The following BRINP3 variants were observed in gnomAD, a reference collection of about 807,000 sequenced individuals.
BRINP3 encodes the protein BMP/retinoic acid inducible neural specific 3, also known as BMP/retinoic acid-inducible neural-specific protein 3.
A neutral mutation model predicts 71.0 loss-of-function variants in BRINP3; 19 were observed. The ratio of observed to expected loss-of-function variants is 0.27; its 90% CI spans 0.19 to 0.39. The LOEUF is 0.39. BRINP3 is among the 10% of genes least tolerant of loss of function. The probability of loss-of-function intolerance (pLI) is 1.00; values close to 1 mark genes in which losing one functional copy is unlikely to be tolerated. For synonymous variants in BRINP3, 380 were observed against 337.7 expected (o/e 1.13, Z -1.37); for missense variants, 959 against 940.8 (o/e 1.02, Z -0.25).
intron 4 of BRINP3, among the ~76,000 whole-genome samples, chr1:190,260,257 A>G (rs1053419271): frequency 6.6e-6 from 1 of 152,122 alleles, no homozygotes; most frequent in Admixed American, 6.6e-5. Flanking sequence ...AAAATATTGT[A>G]TCACCTAGTG....
At chr1:190,214,328 G>C (rs760247227) in intron 6 of BRINP3, among the ~76,000 whole-genome samples, 4 of 152,026 alleles carry the variant, frequency 2.6e-5, no homozygotes, top group Non-Finnish European at 5.9e-5. Context: ...ACTATATCTG[G>C]ATTTGATGAG....
chr1:190,450,968 G>A (rs1675566826), intron 2 of BRINP3, among the ~76,000 whole-genome samples: 1 of 151,752 alleles, frequency 6.6e-6, no homozygotes, highest in African/African-American at 2.4e-5. Flanking sequence ...TTTTTTTCAA[G>A]GAACATGACT....
At chr1:190,373,260 C>A (rs1669974985) in intron 2 of BRINP3, among the ~76,000 whole-genome samples, 1 of 151,874 alleles carries the variant, frequency 6.6e-6, no homozygotes, top group Non-Finnish European at 1.5e-5. Context: ...CGTGGTGGTG[C>A]ATGCCTGTAA....
intron 6 of BRINP3, among the ~76,000 whole-genome samples, chr1:190,210,525 C>A (rs1300003057): frequency 1.3e-5 from 2 of 151,850 alleles, no homozygotes; most frequent in Non-Finnish European, 2.9e-5. Context: ...AAATTGAAAC[C>A]AATAGAAAAA....
intron 2 of BRINP3, among the ~76,000 whole-genome samples, chr1:190,425,876 G>A (rs762665038): frequency 2.6e-5 from 4 of 151,576 alleles, no homozygotes; most frequent in South Asian, 2.1e-4. Flanking sequence ...CCTCTCTAAC[G>A]GTATTCCTTT....
At chr1:190,431,283 C>T (rs947790957) in intron 2 of BRINP3, among the ~76,000 whole-genome samples, 2 of 151,708 alleles carry the variant, frequency 1.3e-5, no homozygotes, top group African/African-American at 4.8e-5. Flanking sequence ...TATTTGTATG[C>T]AAGGTTAAAA....
At chr1:190,099,270 C>A (rs2102236047) in intron 7 of BRINP3, 136 bp from the exon 8 acceptor site, 2 of 765,436 alleles carry the variant, frequency 2.6e-6, no homozygotes, top group Non-Finnish European at 2.1e-6. Flanking sequence ...ATAAAAGATT[C>A]ATAGAGCTCA....
At chr1:190,209,971 GT>G (rs1284027998) in intron 6 of BRINP3, among the ~76,000 whole-genome samples, 2 of 152,056 alleles carry the variant, frequency 1.3e-5, no homozygotes, top group Non-Finnish European at 2.9e-5. Flanking sequence ...CTACTTGTTA[GT>G]TTGTCATTAT....
chr1:190,357,866 A>T (rs1668840438), intron 2 of BRINP3, among the ~76,000 whole-genome samples: 1 of 151,984 alleles, frequency 6.6e-6, no homozygotes, highest in African/African-American at 2.4e-5. Flanking sequence ...CACATCTACA[A>T]CCATCTGATC....
intron 2 of BRINP3, among the ~76,000 whole-genome samples, chr1:190,301,234 T>TACACAC (rs1553283783): frequency 4.1e-5 from 5 of 123,414 alleles, no homozygotes; most frequent in African/African-American, 1.7e-4. Context: ...TATATATATA[T>TACACAC]ACACACATAC....
chr1:190,332,769 C>A (rs1029778384), intron 2 of BRINP3, among the ~76,000 whole-genome samples: 1 of 151,934 alleles, frequency 6.6e-6, no homozygotes, highest in Non-Finnish European at 1.5e-5. Flanking sequence ...TTGTTAAGAA[C>A]AAATCAGATG....
intron 2 of BRINP3, among the ~76,000 whole-genome samples, chr1:190,292,526 T>C (rs1663948025): frequency 6.6e-6 from 1 of 152,046 alleles, no homozygotes; most frequent in Non-Finnish European, 1.5e-5. Flanking sequence ...CATTTGCCTG[T>C]AGTCCTATCT....
intron 2 of BRINP3, among the ~76,000 whole-genome samples, chr1:190,293,547 G>A (rs538204369): frequency 6.6e-6 from 1 of 152,236 alleles, no homozygotes; most frequent in Non-Finnish European, 1.5e-5. Flanking sequence ...TTGGTCTGGA[G>A]CATAGTTTAA....
chr1:190,224,893 A>T (rs2102697506), intron 6 of BRINP3, among the ~76,000 whole-genome samples: 1 of 152,194 alleles, frequency 6.6e-6, no homozygotes, highest in African/African-American at 2.4e-5. Flanking sequence ...CAGATATATG[A>T]AATAATGCTC....
chr1:190,441,294 G>A (rs997300818), intron 2 of BRINP3, among the ~76,000 whole-genome samples: 1 of 152,004 alleles, frequency 6.6e-6, no homozygotes, highest in Admixed American at 6.6e-5. Context: ...GGAATGTAAG[G>A]CAGTAACATA....
intron 6 of BRINP3, among the ~76,000 whole-genome samples, chr1:190,173,912 G>A (rs1652255044): frequency 6.6e-6 from 1 of 152,066 alleles, no homozygotes; most frequent in African/African-American, 2.4e-5. Flanking sequence ...ATTTTCCACA[G>A]TATTACACAC....
At chr1:190,419,515 G>T (rs1178369534) in intron 2 of BRINP3, among the ~76,000 whole-genome samples, 1 of 151,840 alleles carries the variant, frequency 6.6e-6, no homozygotes, top group Non-Finnish European at 1.5e-5. Context: ...ATTGTATATT[G>T]TATAATGAAT....
At chr1:190,407,590 A>G (rs1672366828) in intron 2 of BRINP3, among the ~76,000 whole-genome samples, 1 of 152,206 alleles carries the variant, frequency 6.6e-6, no homozygotes, top group Admixed American at 6.5e-5. Flanking sequence ...ACAATGTACC[A>G]TTAAATTTAT....
At chr1:190,156,996 T>G (rs1319366942) in intron 7 of BRINP3, among the ~76,000 whole-genome samples, 1 of 152,002 alleles carries the variant, frequency 6.6e-6, no homozygotes, top group Non-Finnish European at 1.5e-5. Flanking sequence ...CATGATATAT[T>G]TTACTCTAGT....
Sources: gnomAD v4.1 joint callset for allele counts (sites outside exome capture counted in the v4.1 genomes callset) on GRCh38, gnomAD v4.1.1 for gene constraint, MANE v1.5 for transcripts, NCBI Gene and HGNC (gene_info 2026-07-23, HGNC 2026-07-21) for gene names.